The following ERMAP variants were observed in gnomAD, a reference collection of about 807,000 sequenced individuals.
ERMAP encodes erythroblast membrane associated protein (Scianna blood group), also known as erythroid membrane-associated protein.
ERMAP carries 34 observed loss-of-function variants against 49.5 expected under a neutral mutation model. The observed-to-expected ratio is 0.69, with a 90% CI of 0.52 to 0.91. The LOEUF (loss-of-function observed/expected upper bound fraction) is 0.91. Ranked by LOEUF, ERMAP falls within the 40% of genes least tolerant of loss-of-function variation. ERMAP has a pLI of 0.00. For synonymous variants in ERMAP, 214 were observed against 232.2 expected (o/e 0.92, Z 0.71); for missense variants, 541 against 582.6 (o/e 0.93, Z 0.74).
chr1:42,842,608 TG>T lies in ERMAP; in HGVS notation c.805del (p.Val269TyrfsTer15), dbSNP rs1463720140. The T allele has an allele frequency of 2.5e-6, 4 of 1,614,200 alleles. No homozygotes were observed. Among genetic ancestry groups the T allele is most frequent in the Non-Finnish European group, 8.5e-7 (1 of 1,180,036 alleles). ...CVRLGDRRQP[V>X]PDNPQRFDFV... is the part of the protein sequence containing the mutation. ...TAAGGCTTGGAGACAGACGGCAGCCTGTACCTGACAACCCCCAGAGATTTGA... is the reference window on the plus strand; with the variant it reads ...TAAGGCTTGGAGACAGACGGCAGCCTTACCTGACAACCCCCAGAGATTTGA... On this transcript the variant is annotated frameshift_variant, in exon 12 of 12. Coordinates refer to ENST00000372517, the MANE Select transcript of ERMAP (RefSeq NM_001017922.2). LOFTEE classifies it high-confidence loss of function.
chr1:42,843,983 G>T lies in ERMAP; in HGVS notation c.*751G>T. ...GTTGCAGAGAACTCAGCTGTATGTT[G>T]CCCTCTGACCTTGGCCCAGACCTTC... On this transcript the variant is annotated 3_prime_UTR_variant, in exon 12 of 12. Transcript: ENST00000372517. The T allele has an allele frequency of 2.5e-6, 1 of 398,206 alleles. No homozygotes were observed. Among genetic ancestry groups the T allele is most frequent in the Non-Finnish European group, 4.4e-6 (1 of 225,920 alleles). The allele number at this position is 398,206 out of a possible 1,614,324, so 24.7% of individuals were successfully genotyped here.
chr1:42,822,005 C>T (rs1489105325), intron 1 of ERMAP, among the ~76,000 whole-genome samples: 1 of 147,200 alleles, frequency 6.8e-6, no homozygotes, highest in Non-Finnish European at 1.5e-5. Context: ...AGAGCTAGAC[C>T]CTAGCTCTAA....
In ERMAP at chr1:42,842,944, CTTTA is replaced by C; in HGVS notation, c.1141_1144del (p.Phe381LeufsTer28). On this transcript the variant is annotated frameshift_variant, in exon 12 of 12. Transcript: ENST00000372517. LOFTEE classifies it high-confidence loss of function. ...ACAATGTGACCAACAAGTCCCACAT[CTTTA>C]CTTTCACCCACAATTTCTCTGGCCC... is the stretch of plus-strand genomic sequence containing the variant. 1 of 1,614,238 alleles carries C rather than the reference CTTTA, an allele frequency of 6.2e-7. No individual in the cohort carries two copies. The highest frequency in any genetic ancestry group is 2.2e-5 in the East Asian group (1 of 44,886).
chr1:42,835,236 T>C, intron 5 of ERMAP, 82 bp downstream of exon 5: 2 of 770,814 alleles, frequency 2.6e-6, no homozygotes, highest in Non-Finnish European at 4.8e-6. Flanking sequence ...GAAGTAGATG[T>C]AGACCTGACA....
chr1:42,817,569 A>G (rs1028334755), intron 1 of ERMAP: 1 of 152,288 alleles, frequency 6.6e-6, no homozygotes, highest in Non-Finnish European at 1.5e-5. Context: ...CGAATCCTGG[A>G]ATTGGAATTG....
chr1:42,834,402 G>A (rs1456030608), intron 4 of ERMAP, among the ~76,000 whole-genome samples: 1 of 152,186 alleles, frequency 6.6e-6, no homozygotes, highest in Non-Finnish European at 1.5e-5. Context: ...AGTGAGGAGA[G>A]TGCCTTCAGT....
At position 42,835,734 on chromosome 1, in the gene ERMAP, A is replaced by G. The variant is rs771683714; in HGVS notation, c.553A>G (p.Lys185Glu). The G allele has an allele frequency of 1.2e-6, 2 of 1,610,948 alleles. No homozygotes were observed. The highest frequency in any genetic ancestry group is 2.2e-5 in the South Asian group (2 of 90,058). ...LIWKQRRAKE[K>E]LLYEHVTEVD... ...TGGCATTTCTCTCTCCCTTTTAGAA[A>G]AGCTTCTCTATGAACATGTGACGGA... The change falls in exon 6 of 12, where the codon AAG becomes GAG. Residue 185 changes from lysine (K) to glutamate (E), a missense_variant and splice_region_variant. Lys to Glu is a moderately conservative substitution (Grantham distance 56, BLOSUM62 1). Transcript: ENST00000372517.
At chr1:42,825,572 TG>T in intron 1 of ERMAP, 50 bp from the exon 2 acceptor site, 1 of 1,254,636 alleles carries the variant, frequency 8.0e-7, no homozygotes, top group Non-Finnish European at 1.0e-6. Flanking sequence ...GAGAGAGCCC[TG>T]GCCTCTCATA....
rs762038820 is a variant in ERMAP, at chr1:42,830,534, G to T, written c.85+1G>T. 1 of 1,613,730 alleles carries T rather than the reference G, an allele frequency of 6.2e-7. No individual in the cohort carries two copies. Among genetic ancestry groups the T allele is most frequent in the Non-Finnish European group, 8.5e-7 (1 of 1,179,682 alleles). On this transcript the variant is annotated splice_donor_variant, in intron 3 of 11. Coordinates refer to ENST00000372517, the MANE Select transcript of ERMAP (RefSeq NM_001017922.2). LOFTEE classifies it high-confidence loss of function. ...CTCCGGCTGTCTGTGCATGTGTCAG[G>T]TAGGAGTTTCTGATCCTCTTTCCCT... is the stretch of plus-strand genomic sequence containing the variant.
rs1030547405 is a variant in ERMAP at position 42,817,249 on chromosome 1, G to A, written c.-126G>A. On this transcript the variant is annotated 5_prime_UTR_variant, in exon 1 of 12. Transcript: ENST00000372517. ...CGCCGAGTCGCAGACAACGCCTCCG[G>A]GAGGGTAATCCTCGCCTTCCCCCGA... 1.1e-5 allele frequency: 14 copies of A among 1,253,238 alleles called. No homozygotes were observed. The highest frequency in any genetic ancestry group is 1.3e-5 in the Non-Finnish European group (13 of 972,390). 77.6% of individuals were successfully genotyped at this position (1,253,238 alleles called of 1,614,324 possible).
intron 7 of ERMAP, among the ~76,000 whole-genome samples, chr1:42,838,479 G>A (rs1276013975): frequency 6.6e-6 from 1 of 152,180 alleles, no homozygotes; most frequent in Non-Finnish European, 1.5e-5. Flanking sequence ...TATAACCTCA[G>A]GGGAGTTACT....
intron 11 of ERMAP, among the ~76,000 whole-genome samples, chr1:42,840,527 T>A (rs757654046): frequency 2.0e-5 from 3 of 152,200 alleles, no homozygotes; most frequent in Non-Finnish European, 4.4e-5. Context: ...AGGTTTGGTC[T>A]TCTTAAGGGT....
At chr1:42,839,462 T>G in intron 8 of ERMAP, 1 of 166,004 alleles carries the variant, frequency 6.0e-6, no homozygotes, top group Non-Finnish European at 1.3e-5. Flanking sequence ...AATACAAAAT[T>G]AGCTGGGTGT....
At chr1:42,839,709 G>A (rs1162341669) in intron 8 of ERMAP, 1 of 452,932 alleles carries the variant, frequency 2.2e-6, no homozygotes, top group Non-Finnish European at 3.9e-6. Context: ...AATACTCAGT[G>A]ATAGTTTTAA....
At chr1:42,826,854 C>A (rs1045191663) in intron 2 of ERMAP, among the ~76,000 whole-genome samples, 995 of 133,662 alleles carry the variant, frequency 7.4e-3, no homozygotes, top group Admixed American at 8.7e-3. Context: ...AACTCTGTCT[C>A]AAAAAAAAAA....
chr1:42,843,937 A>C lies in ERMAP; in HGVS notation c.*705A>C, dbSNP rs556799915. On this transcript the variant is annotated 3_prime_UTR_variant, in exon 12 of 12. Transcript: ENST00000372517. Reference sequence around the variant, plus strand: ...TAATCCTGAAAAGCCCCAGGAGCACATCAGGGAGCTGGGAAACACAGTTGC... The same window carrying C: ...TAATCCTGAAAAGCCCCAGGAGCACCTCAGGGAGCTGGGAAACACAGTTGC... 2.9e-4 allele frequency: 114 copies of C among 397,068 alleles called. No individual in the cohort carries two copies. The highest frequency in any genetic ancestry group is 2.2e-3 in the African/African-American group (109 of 48,730). 24.6% of individuals were successfully genotyped at this position (397,068 alleles called of 1,614,324 possible). A position where few individuals can be genotyped will look rare whatever the true frequency, so the allele number is the denominator to read the frequency against.
intron 4 of ERMAP, among the ~76,000 whole-genome samples, chr1:42,833,378 A>G (rs373970306): frequency 5.3e-5 from 8 of 152,330 alleles, no homozygotes; most frequent in Admixed American, 2.6e-4. Flanking sequence ...ACTTTTTTGT[A>G]TATATGTATC....
At position 42,842,713 on chromosome 1, in the gene ERMAP, C is replaced by A; in HGVS notation, c.909C>A (p.Thr303=). ...GGGAGGTGTATGTGGGAGACAAGAC[C>A]AAATGGATTCTTGGAGTATGTAGTG... ...HYWEVYVGDK[T]KWILGVCSES... is the part of the protein sequence containing the mutation. The change falls in exon 12 of 12, where the codon ACC becomes ACA. Residue 303 remains threonine, a synonymous_variant. Transcript: ENST00000372517. 1 of 1,614,150 alleles carries A rather than the reference C, an allele frequency of 6.2e-7. No homozygotes were observed. Among genetic ancestry groups the A allele is most frequent in the South Asian group, 1.1e-5 (1 of 91,080 alleles).
chr1:42,834,738 TA>T (rs1334690799), intron 4 of ERMAP: 1 of 276,730 alleles, frequency 3.6e-6, no homozygotes, highest in Non-Finnish European at 7.0e-6. Context: ...GTATTTTTAG[TA>T]GACACGGAGT....
Sources: gnomAD v4.1 joint callset for allele counts (sites outside exome capture counted in the v4.1 genomes callset) on GRCh38, gnomAD v4.1.1 for gene constraint, MANE v1.5 for transcripts, NCBI Gene and HGNC (gene_info 2026-07-23, HGNC 2026-07-21) for gene names.